The following TTC9 variants were observed in gnomAD, a reference collection of about 807,000 sequenced individuals.
TTC9 encodes tetratricopeptide repeat domain 9.
A neutral mutation model predicts 22.9 loss-of-function variants in TTC9; 13 were observed. That is an observed-to-expected ratio of 0.57 (90% CI 0.37 to 0.90). The LOEUF (loss-of-function observed/expected upper bound fraction) is 0.90, where lower values mean the gene tolerates loss of function less well. Ranked by LOEUF, TTC9 falls within the 40% of genes least tolerant of loss-of-function variation. The pLI is 0.01. For missense variants in TTC9, 280 were observed against 291.8 expected (o/e 0.96, Z 0.29); for synonymous variants, 148 against 133.2 (o/e 1.11, Z -0.77).
At position 70,667,585 on chromosome 14, in the gene TTC9, T is replaced by C. The variant is rs1447723550; in HGVS notation, c.428T>C (p.Leu143Pro). 7 of 1,613,912 alleles carry C rather than the reference T, an allele frequency of 4.3e-6. No individual in the cohort carries two copies. The highest frequency in any genetic ancestry group is 5.9e-6 in the Non-Finnish European group (7 of 1,179,916). The change falls in exon 2 of 3, where the codon CTG (leucine) becomes CCG (proline). Residue 143 changes from leucine to proline, a missense_variant. Physicochemically the swap from Leu to Pro is moderately conservative, Grantham distance 98 (BLOSUM62 -3). This residue lies in a region of TTC9 where 165 missense variants were observed against 145.4 expected (regional missense o/e 1.14). Coordinates refer to ENST00000256367, the MANE Select transcript of TTC9 (RefSeq NM_015351.2). ...ATAGCCTGCCTGCTCCAGGCTGAGC[T>C]GGTAAACTATGAACGAGTCAAGGAA... ...SLAACLLQAE[L>P]VNYERVKEYC...
intron 1 of TTC9, among the ~76,000 whole-genome samples, chr14:70,650,163 C>T (rs904456898): frequency 6.6e-6 from 1 of 152,160 alleles, no homozygotes. Context: ...CAGTGGCTCA[C>T]AGCGGTGCAG....
chr14:70,665,911 A>G (rs771357652), intron 1 of TTC9, among the ~76,000 whole-genome samples: 1 of 152,204 alleles, frequency 6.6e-6, no homozygotes, highest in Non-Finnish European at 1.5e-5. Context: ...ACAGAGCATC[A>G]GCATTCTCCC....
chr14:70,645,051 G>A (rs1885883880), intron 1 of TTC9, among the ~76,000 whole-genome samples: 3 of 152,148 alleles, frequency 2.0e-5, no homozygotes, highest in African/African-American at 7.2e-5. Context: ...GGCGGAGCTT[G>A]CAGTGAGCCG....
At chr14:70,669,435 A>T (rs1254677125) in intron 2 of TTC9, among the ~76,000 whole-genome samples, 1 of 151,760 alleles carries the variant, frequency 6.6e-6, no homozygotes, top group Admixed American at 6.6e-5. Context: ...ATGCACTACC[A>T]TGCCTGGCTA....
chr14:70,642,106 A>G lies in TTC9; in HGVS notation c.-24A>G. The G allele has an allele frequency of 4.6e-6, 5 of 1,086,126 alleles. No individual in the cohort carries two copies. The highest frequency in any genetic ancestry group is 5.6e-6 in the Non-Finnish European group (5 of 896,276). 67.3% of individuals were successfully genotyped at this position (1,086,126 alleles called of 1,614,324 possible). ...CGGCGGCGGGCAGATCGCGGCGCGC[A>G]CCAGGCGCCGGGGCGGCGGCCGAAT... On this transcript the variant is annotated 5_prime_UTR_variant, in exon 1 of 3. Coordinates refer to ENST00000256367, the MANE Select transcript of TTC9 (RefSeq NM_015351.2).
chr14:70,671,054 AG>A, intron 2 of TTC9, 21 bp from the exon 3 acceptor site: 1 of 1,610,984 alleles, frequency 6.2e-7, no homozygotes. Flanking sequence ...GTGTTCCCTA[AG>A]GTTTATTTCT....
chr14:70,642,402 G>A lies in TTC9; in HGVS notation c.273G>A (p.Leu91=), dbSNP rs1436843136. The change falls in exon 1 of 3, where the codon CTG becomes CTA. Residue 91 remains leucine, a synonymous_variant. Coordinates refer to ENST00000256367, the MANE Select transcript of TTC9 (RefSeq NM_015351.2). The part of the protein sequence containing the change: ...HRALLELKGL[L]PPPGERERDS... ...CGTTGCTGGAGCTGAAGGGGCTGCT[G>A]CCGCCCCCCGGGGAACGGGAGCGGG... The A allele has an allele frequency of 1.2e-6, 2 of 1,600,364 alleles. No individual in the cohort carries two copies. Among genetic ancestry groups the A allele is most frequent in the Non-Finnish European group, 1.7e-6 (2 of 1,174,612 alleles).
At chr14:70,670,469 C>A (rs1314301437) in intron 2 of TTC9, among the ~76,000 whole-genome samples, 1 of 151,958 alleles carries the variant, frequency 6.6e-6, no homozygotes, top group Non-Finnish European at 1.5e-5. Flanking sequence ...ACGAGCCTGG[C>A]CAATATGATG....
At position 70,641,921 on chromosome 14, in the gene TTC9, A is replaced by T. The variant is rs1196840869; in HGVS notation, c.-209A>T. The T allele has an allele frequency of 1.1e-5, 2 of 181,928 alleles. No individual in the cohort carries two copies. The highest frequency in any genetic ancestry group is 2.1e-5 in the Non-Finnish European group (2 of 94,290). 11.3% of individuals were successfully genotyped at this position (181,928 alleles called of 1,614,324 possible). ...GAGGCGGGGGAGGGGCCGGCGTCCG[A>T]GGCGGCGGCGGCGGCGGCTGGAGCA... On this transcript the variant is annotated 5_prime_UTR_variant, in exon 1 of 3. Coordinates refer to ENST00000256367, the MANE Select transcript of TTC9 (RefSeq NM_015351.2).
In TTC9 at chr14:70,674,330, C is replaced by G. The variant is rs1886338606; in HGVS notation, c.*3175C>G. 6.6e-6 allele frequency: 1 copy of G among 152,138 alleles called. No homozygotes were observed. Among genetic ancestry groups the G allele is most frequent in the African/African-American group, 2.4e-5 (1 of 41,444 alleles). 9.4% of individuals were successfully genotyped at this position (152,138 alleles called of 1,614,324 possible). ...TGTAGAAGTTTTAGGAAAAAAAGGACAAAATCCAATCCATAAGCTTACCAC... is the reference window on the plus strand; with the variant it reads ...TGTAGAAGTTTTAGGAAAAAAAGGAGAAAATCCAATCCATAAGCTTACCAC... On this transcript the variant is annotated 3_prime_UTR_variant, in exon 3 of 3. Transcript: ENST00000256367.
At position 70,661,164 on chromosome 14, in the gene TTC9, G is replaced by A. The variant is rs147443371; in HGVS notation, c.407-6400G>A. 3.2e-3 allele frequency among the ~76,000 whole-genome samples: 488 copies of A among 152,234 alleles called. 2 individuals carry two copies. The highest frequency in any genetic ancestry group is 9.6e-3 in the African/African-American group (397 of 41,546). On this transcript the variant is annotated intron_variant, in intron 1 of 2. Transcript: ENST00000256367. ...GCACTCACTGGCTTTGTAGATAGCC[G>A]TCTTCCTAGATCTTATTGCATCATC...
chr14:70,645,776 C>G (rs1387164565), intron 1 of TTC9, among the ~76,000 whole-genome samples: 1 of 152,144 alleles, frequency 6.6e-6, no homozygotes, highest in East Asian at 1.9e-4. Flanking sequence ...CTGGGGGAGT[C>G]TGAATATATT....
At chr14:70,656,975 T>C (rs1055857353) in intron 1 of TTC9, among the ~76,000 whole-genome samples, 1 of 152,216 alleles carries the variant, frequency 6.6e-6, no homozygotes, top group Admixed American at 6.5e-5. Flanking sequence ...AACTTCTAAG[T>C]GTTCTGCCAT....
chr14:70,654,790 G>T (rs1886038164), intron 1 of TTC9, among the ~76,000 whole-genome samples: 2 of 152,050 alleles, frequency 1.3e-5, no homozygotes, highest in Non-Finnish European at 2.9e-5. Flanking sequence ...CAGCCACATG[G>T]TGGAAGAAGA....
At chr14:70,662,901 C>G (rs1040462988) in intron 1 of TTC9, among the ~76,000 whole-genome samples, 10 of 152,156 alleles carry the variant, frequency 6.6e-5, no homozygotes, top group Non-Finnish European at 1.3e-4. Context: ...TCCAAAATGA[C>G]AATAAAGATC....
At position 70,671,254 on chromosome 14, in the gene TTC9, C is replaced by A; in HGVS notation, c.*99C>A. 2 of 966,514 alleles carry A rather than the reference C, an allele frequency of 2.1e-6. No individual in the cohort carries two copies. The highest frequency in any genetic ancestry group is 3.1e-6 in the Non-Finnish European group (2 of 640,682). 59.9% of individuals were successfully genotyped at this position (966,514 alleles called of 1,614,324 possible). A position where few individuals can be genotyped will look rare whatever the true frequency, so the allele number is the denominator to read the frequency against. On this transcript the variant is annotated 3_prime_UTR_variant, in exon 3 of 3. Coordinates refer to ENST00000256367, the MANE Select transcript of TTC9 (RefSeq NM_015351.2). Reference sequence around the variant, plus strand: ...CCTGGATTCTGTCCCTTTCTCCCCACTTCTTCTGGCTCCTCATTTTTCCTC... The same window carrying A: ...CCTGGATTCTGTCCCTTTCTCCCCAATTCTTCTGGCTCCTCATTTTTCCTC...
rs1271192881 is a variant in TTC9 at position 70,658,597 on chromosome 14, TTAGAAA to T, written c.407-8962_407-8957del. Among the ~76,000 whole-genome samples the T allele has an allele frequency of 4.6e-5, 7 of 152,176 alleles. No homozygotes were observed. In the East Asian group the frequency reaches 7.7e-4, roughly 17 times the overall value. The stretch of plus-strand genomic sequence containing the variant: ...TAAAAAATAATAATTTCTTAGCAAG[TTAGAAA>T]TAGAGCAAAATTGCCTGATCTCAGT... On this transcript the variant is annotated intron_variant, in intron 1 of 2. Coordinates refer to ENST00000256367, the MANE Select transcript of TTC9 (RefSeq NM_015351.2).
chr14:70,642,663 AG>A (rs1246590152), intron 1 of TTC9, 128 bp downstream of exon 1: 17 of 882,508 alleles, frequency 1.9e-5, no homozygotes, highest in African/African-American at 5.4e-5. Flanking sequence ...AGAACCCGGG[AG>A]GGAGGCGCTT....
intron 1 of TTC9, among the ~76,000 whole-genome samples, chr14:70,654,872 A>G (rs1326681328): frequency 6.6e-6 from 1 of 152,186 alleles, no homozygotes; most frequent in Non-Finnish European, 1.5e-5. Flanking sequence ...CTGATACTTA[A>G]CAGCTCTGCA....
Sources: gnomAD v4.1 joint callset for allele counts (sites outside exome capture counted in the v4.1 genomes callset) on GRCh38, gnomAD v4.1.1 for gene constraint, gnomAD v4.1.1 regional missense constraint, MANE v1.5 for transcripts, NCBI Gene and HGNC (gene_info 2026-07-23, HGNC 2026-07-21) for gene names.